Variants in ANO3 observed in about 807,000 individuals in gnomAD.
ANO3 encodes anoctamin-3.
In ANO3, 99 loss-of-function variants were observed where a neutral mutation model predicts 144.8. The ratio of observed to expected loss-of-function variants is 0.68; its 90% confidence interval spans 0.58 to 0.81. The LOEUF (loss-of-function observed/expected upper bound fraction) is 0.81, where lower values mean the gene tolerates loss of function less well. Among genes scored for constraint, ANO3 ranks in the 30% least tolerant of loss-of-function variants. The pLI is 0.00. For synonymous variants in ANO3, 414 were observed against 392.6 expected, an observed-to-expected ratio of 1.05 and a Z score of -0.64; for missense variants, 905 against 1,202.2, an observed-to-expected ratio of 0.75 and a Z score of 3.66.
chr11:26,317,806 T>C (rs78961151), intron 1 of ANO3, among the ~76,000 whole-genome samples: 67,659 of 152,022 alleles, frequency 0.45, 15,289 homozygotes, highest in African/African-American at 0.5. Flanking sequence ...GACACATGCA[T>C]ACGTATGTTT....
At chr11:26,331,840 A>G, upstream of ANO3, 1 of 170,676 alleles carries the variant, frequency 5.9e-6, no homozygotes, top group Non-Finnish European at 1.3e-5. Context: ...GCCCTTCCTT[A>G]AAAGTCCCAG....
At chr11:26,273,358 G>C (rs575664465) in intron 1 of ANO3, among the ~76,000 whole-genome samples, 18 of 151,802 alleles carry the variant, frequency 1.2e-4, no homozygotes, top group Non-Finnish European at 2.6e-4. Context: ...CTGGATCAGG[G>C]GATCATAAGG....
chr11:26,573,452 A>G (rs888479153), intron 14 of ANO3, among the ~76,000 whole-genome samples: 3 of 152,194 alleles, frequency 2.0e-5, no homozygotes, highest in Non-Finnish European at 2.9e-5. Context: ...TTTTCAGATT[A>G]GCCACTTTTT....
chr11:26,411,222 G>A (rs1052573125), intron 1 of ANO3, among the ~76,000 whole-genome samples: 1 of 151,984 alleles, frequency 6.6e-6, no homozygotes, highest in African/African-American at 2.4e-5. Flanking sequence ...ATATAAAGCT[G>A]AATTGGTTGT....
intron 1 of ANO3, among the ~76,000 whole-genome samples, chr11:26,390,642 G>T (rs541659048): frequency 4.8e-4 from 73 of 152,106 alleles, no homozygotes; most frequent in African/African-American, 1.7e-3. Context: ...GCACAAGAAT[G>T]CTCACAGCTA....
intron 1 of ANO3, among the ~76,000 whole-genome samples, chr11:26,254,164 G>A (rs963176186): frequency 1.3e-5 from 2 of 152,110 alleles, no homozygotes; most frequent in African/African-American, 4.8e-5. Flanking sequence ...TGACTTACGA[G>A]TACTTGTAGC....
At chr11:26,544,362 C>T (rs1849733229) in intron 11 of ANO3, among the ~76,000 whole-genome samples, 1 of 147,192 alleles carries the variant, frequency 6.8e-6, no homozygotes, top group African/African-American at 2.5e-5. Flanking sequence ...ACATAATCTC[C>T]TGTATGGGTA....
chr11:26,253,716 G>C (rs1038054933), intron 1 of ANO3, among the ~76,000 whole-genome samples: 1 of 152,048 alleles, frequency 6.6e-6, no homozygotes, highest in Non-Finnish European at 1.5e-5. Context: ...CTTATCCATG[G>C]CCAACAGTCA....
chr11:26,562,053 G>C (rs547284628), intron 14 of ANO3, among the ~76,000 whole-genome samples: 1 of 151,880 alleles, frequency 6.6e-6, no homozygotes, highest in Admixed American at 6.6e-5. Flanking sequence ...GTTGTGGATT[G>C]AGTTATTCTT....
chr11:26,576,570 A>C (rs780752404), intron 14 of ANO3, among the ~76,000 whole-genome samples: 3 of 152,106 alleles, frequency 2.0e-5, no homozygotes, highest in Non-Finnish European at 4.4e-5. Flanking sequence ...TTTTACCTGA[A>C]TTTTTCCCTG....
At chr11:26,443,129 A>T (rs1565027811) in intron 2 of ANO3, among the ~76,000 whole-genome samples, 1 of 152,078 alleles carries the variant, frequency 6.6e-6, no homozygotes, top group Non-Finnish European at 1.5e-5. Flanking sequence ...ATGATTCCAT[A>T]TGGTTGCTTC....
At chr11:26,539,657 A>C (rs1183397863) in intron 10 of ANO3, among the ~76,000 whole-genome samples, 1 of 152,150 alleles carries the variant, frequency 6.6e-6, no homozygotes, top group Non-Finnish European at 1.5e-5. Flanking sequence ...CCATGACTCA[A>C]GGTGTCTTCT....
At position 26,407,047 on chromosome 11, in the gene ANO3, GGT is replaced by G. The variant is rs372391349; in HGVS notation, c.47-34842_47-34841del. 4.3e-3 allele frequency among the ~76,000 whole-genome samples: 465 copies of G among 108,370 alleles called. 3 individuals carry two copies. The highest frequency in any genetic ancestry group is 0.011 in the African/African-American group (340 of 31,820). The allele number at this position is 108,370 out of a possible 152,430, so 71.1% of individuals were successfully genotyped here. A position where few individuals can be genotyped will look rare whatever the true frequency, so the allele number is the denominator to read the frequency against. On this transcript the variant is annotated intron_variant, in intron 1 of 26. Transcript: ENST00000256737. Reference sequence around the variant, plus strand: ...ATAGGTGTGTGTGTATATATATATGGGTGTGTGTGTGTGTGTGTGTGTGTGTG... The same window carrying G: ...ATAGGTGTGTGTGTATATATATATGGGTGTGTGTGTGTGTGTGTGTGTGTG...
intron 17 of ANO3, among the ~76,000 whole-genome samples, chr11:26,615,410 ATATAT>A (rs1852225325): frequency 2.0e-5 from 2 of 99,840 alleles, no homozygotes; most frequent in Admixed American, 1.2e-4. Flanking sequence ...ATATATATAT[ATATAT>A]TTTTTTTTTT....
chr11:26,260,580 C>G (rs540706498), intron 1 of ANO3, among the ~76,000 whole-genome samples: 1 of 152,206 alleles, frequency 6.6e-6, no homozygotes, highest in South Asian at 2.1e-4. Flanking sequence ...TAGAAGGGAA[C>G]AATGAAAACA....
Position 26,368,075 on chromosome 11 carries a change from A to G in ANO3, c.46+35754A>G, listed in dbSNP as rs528734367. ...AACATTCAAACTGTATCACTCCCCT[A>G]TGCATACCTGAAAGGTAATGCTGTG... On this transcript the variant is annotated intron_variant, in intron 1 of 26. Transcript: ENST00000256737. Among the ~76,000 whole-genome samples, 43 of 152,348 alleles carry G rather than the reference A, an allele frequency of 2.8e-4. No individual in the cohort carries two copies. In the East Asian group the frequency reaches 4.0e-3, roughly 14 times the overall value.
chr11:26,632,194 G>GA (rs112398235), intron 18 of ANO3, among the ~76,000 whole-genome samples: 20,378 of 132,884 alleles, frequency 0.15, 1,712 homozygotes, highest in African/African-American at 0.26. Flanking sequence ...TCCATCTCAA[G>GA]AAAAAAAAAA....
rs142537902 is a variant in ANO3, at chr11:26,544,739, A to G, written c.1154+2671A>G. On this transcript the variant is annotated intron_variant, in intron 11 of 26. Coordinates refer to ENST00000256737, the MANE Select transcript of ANO3 (RefSeq NM_031418.4). ...TGTTGACAAAAAATAAACAGAAAGT[A>G]TAAGTTCTCATCTATAGAAGACATT... 1.1e-3 allele frequency among the ~76,000 whole-genome samples: 164 copies of G among 152,074 alleles called. 1 individual carries two copies. The highest frequency in any genetic ancestry group is 3.7e-3 in the African/African-American group (153 of 41,526).
chr11:26,407,897 A>G (rs947626679), intron 1 of ANO3, among the ~76,000 whole-genome samples: 1 of 151,870 alleles, frequency 6.6e-6, no homozygotes, highest in Non-Finnish European at 1.5e-5. Flanking sequence ...AGATGTTACT[A>G]CATGTTATAA....
Sources: allele counts gnomAD v4.1 joint callset (sites outside exome capture counted in the v4.1 genomes callset), GRCh38; gene constraint gnomAD v4.1.1; transcripts MANE v1.5; gene names NCBI Gene and HGNC (gene_info 2026-07-23, HGNC 2026-07-21).